Variants in DOCK3 observed in about 807,000 individuals in gnomAD.
DOCK3 encodes dedicator of cytokinesis protein 3.
In DOCK3, 60 loss-of-function variants were observed where a neutral mutation model predicts 265.6. The ratio of observed to expected loss-of-function variants is 0.23; its 90% CI spans 0.18 to 0.28. DOCK3 has a LOEUF of 0.28. Among genes scored for constraint, DOCK3 ranks in the 10% least tolerant of loss-of-function variants. DOCK3 has a pLI of 1.00. For synonymous variants in DOCK3, 881 were observed against 938.0 expected (o/e 0.94, Z 1.11); for missense variants, 1,981 against 2,594.3 (o/e 0.76, Z 5.14).
intron 51 of DOCK3, among the ~76,000 whole-genome samples, chr3:51,379,075 C>T (rs147837274): frequency 6.6e-6 from 1 of 152,344 alleles, no homozygotes; most frequent in East Asian, 1.9e-4. Flanking sequence ...TGGCAAGGAG[C>T]TCTATGTCCT....
chr3:50,787,104 T>C, intron 2 of DOCK3: 1 of 716,976 alleles, frequency 1.4e-6, no homozygotes, highest in East Asian at 2.6e-5. Context: ...GAACGATTTA[T>C]TACAGGCAAC....
chr3:50,719,827 A>C (rs1283735373), intron 1 of DOCK3: 8 of 757,296 alleles, frequency 1.1e-5, no homozygotes, highest in Non-Finnish European at 1.9e-5. Context: ...TGAAAGCAGG[A>C]ACACTTATAA....
At chr3:50,940,690 CTGTACAGTA>C (rs1328836876) in intron 5 of DOCK3, among the ~76,000 whole-genome samples, 1 of 152,096 alleles carries the variant, frequency 6.6e-6, no homozygotes, top group Non-Finnish European at 1.5e-5. Context: ...TTAACACTTA[CTGTACAGTA>C]ATCAAGGCAG....
chr3:51,064,706 A>G (rs536870402), intron 6 of DOCK3, 110 bp downstream of exon 6: 2 of 1,351,234 alleles, frequency 1.5e-6, no homozygotes, highest in Non-Finnish European at 1.0e-6. Flanking sequence ...AGGCAATGTT[A>G]TATTCTTCAC....
At chr3:51,294,677 C>CAAAAAAAAAAAAAAAAAAAAAAAAAAA (rs59339067) in intron 27 of DOCK3, among the ~76,000 whole-genome samples, 1 of 119,868 alleles carries the variant, frequency 8.3e-6, no homozygotes, top group African/African-American at 3.2e-5. Flanking sequence ...GACTCTATCT[C>CAAAAAAAAAAAAAAAAAAAAAAAAAAA]AAAAAAAAAA....
intron 1 of DOCK3, among the ~76,000 whole-genome samples, chr3:50,734,873 G>C (rs1245757099): frequency 6.6e-6 from 1 of 152,070 alleles, no homozygotes; most frequent in African/African-American, 2.4e-5. Flanking sequence ...AAAGTGTTGG[G>C]ATTACAGGCG....
chr3:51,069,592 A>G (rs555727366), intron 6 of DOCK3, among the ~76,000 whole-genome samples: 65 of 150,902 alleles, frequency 4.3e-4, no homozygotes, highest in African/African-American at 8.7e-4. Flanking sequence ...GTGTGTGTGT[A>G]TATATATATA....
intron 14 of DOCK3, among the ~76,000 whole-genome samples, chr3:51,224,972 A>G (rs2090263107): frequency 6.6e-6 from 1 of 152,166 alleles, no homozygotes; most frequent in Non-Finnish European, 1.5e-5. Flanking sequence ...GGCTGGTCAG[A>G]GCACAGGGAA....
At chr3:50,821,461 G>T (rs191203246) in intron 2 of DOCK3, among the ~76,000 whole-genome samples, 1 of 151,852 alleles carries the variant, frequency 6.6e-6, no homozygotes, top group Non-Finnish European at 1.5e-5. Context: ...CACCACACCC[G>T]GCTAATTTTT....
chr3:51,067,456 T>TGTGTGTGTGTGTGTGTGTGC (rs1553750450), intron 6 of DOCK3, among the ~76,000 whole-genome samples: 36 of 150,338 alleles, frequency 2.4e-4, no homozygotes, highest in African/African-American at 8.2e-4. Flanking sequence ...TGTGTGTGTG[T>TGTGTGTGTGTGTGTGTGTGC]GCGCGCGCGT....
chr3:50,951,899 C>T (rs1390511294), intron 5 of DOCK3, among the ~76,000 whole-genome samples: 1 of 152,186 alleles, frequency 6.6e-6, no homozygotes, highest in Non-Finnish European at 1.5e-5. Flanking sequence ...AGTTATATCA[C>T]AACATTCATT....
intron 3 of DOCK3, among the ~76,000 whole-genome samples, chr3:50,848,144 A>G (rs901109194): frequency 7.2e-5 from 11 of 151,876 alleles, no homozygotes; most frequent in South Asian, 2.1e-4. Flanking sequence ...TTTTATTTGC[A>G]TAGTAGATCT....
chr3:51,075,244 A>G, intron 6 of DOCK3, 112 bp from the exon 7 acceptor site: 1 of 772,452 alleles, frequency 1.3e-6, no homozygotes, highest in African/African-American at 1.7e-5. Context: ...CTGCTAGGAC[A>G]GTGTCTGATC....
Position 51,341,140 on chromosome 3 carries a change from G to A in DOCK3, c.3767-97G>A, listed in dbSNP as rs117683591. ...CCGACCTGGGCTGCACATGACTTGC[G>A]CTGGCATTCTGCCCAGCATAGTCCT... is the stretch of plus-strand genomic sequence containing the variant. On this transcript the variant is annotated intron_variant, in intron 37 of 52. Coordinates refer to ENST00000266037, the MANE Select transcript of DOCK3 (RefSeq NM_004947.5). 852 of 1,416,208 alleles carry A rather than the reference G, an allele frequency of 6.0e-4. 18 individuals are homozygous for A. The East Asian group carries it at 0.02, about 33-fold the overall frequency. The allele number at this position is 1,416,208 out of a possible 1,614,324, so 87.7% of individuals were successfully genotyped here.
intron 16 of DOCK3, 146 bp downstream of exon 16, chr3:51,227,591 G>C (rs1468501048): frequency 4.4e-5 from 55 of 1,264,056 alleles, no homozygotes; most frequent in Non-Finnish European, 5.9e-5. Flanking sequence ...GATGTCACCA[G>C]AGGCTGTTCT....
chr3:51,041,641 T>C (rs1343970325), intron 5 of DOCK3, among the ~76,000 whole-genome samples: 1 of 152,162 alleles, frequency 6.6e-6, no homozygotes. Context: ...TCCATCAAGA[T>C]CTTAGGTAAC....
At chr3:50,800,008 G>C (rs1459364029) in intron 2 of DOCK3, among the ~76,000 whole-genome samples, 3 of 152,116 alleles carry the variant, frequency 2.0e-5, no homozygotes, top group Admixed American at 6.5e-5. Context: ...TTGTTTATTT[G>C]CATGTGTTGA....
intron 12 of DOCK3, among the ~76,000 whole-genome samples, chr3:51,164,926 A>G (rs969564563): frequency 7.1e-6 from 1 of 141,222 alleles, no homozygotes; most frequent in African/African-American, 2.6e-5. Flanking sequence ...TCTTAAGAGT[A>G]CTTGTTTAGG....
chr3:51,191,018 C>A (rs1175116726), intron 12 of DOCK3, among the ~76,000 whole-genome samples: 1 of 152,172 alleles, frequency 6.6e-6, no homozygotes, highest in Non-Finnish European at 1.5e-5. Flanking sequence ...GTAAGCCCCA[C>A]CCAGCTCTTA....
Sources: allele counts gnomAD v4.1 joint callset (sites outside exome capture counted in the v4.1 genomes callset), GRCh38; gene constraint gnomAD v4.1.1; transcripts MANE v1.5; gene names NCBI Gene and HGNC (gene_info 2026-07-23, HGNC 2026-07-21).